The following PRKCA variants were observed in gnomAD, a reference collection of about 807,000 sequenced individuals.
PRKCA encodes the protein protein kinase C alpha type.
PRKCA carries 27 observed loss-of-function variants against 87.0 expected under a neutral mutation model. That is an observed-to-expected ratio of 0.31 (90% confidence interval 0.23 to 0.43). The LOEUF is 0.43. PRKCA is among the 20% of genes least tolerant of loss of function. PRKCA has a pLI of 1.00. For synonymous variants in PRKCA, 329 were observed against 311.1 expected (o/e 1.06, Z -0.61); for missense variants, 518 against 852.3 (o/e 0.61, Z 4.88).
chr17:66,491,441 G>A (rs1231122925), intron 2 of PRKCA, among the ~76,000 whole-genome samples: 5 of 152,336 alleles, frequency 3.3e-5, no homozygotes, highest in East Asian at 3.9e-4. Context: ...TCCATGACAC[G>A]TCTCCACTTC....
At chr17:66,772,462 A>T (rs556302311) in intron 13 of PRKCA, among the ~76,000 whole-genome samples, 15 of 152,098 alleles carry the variant, frequency 9.9e-5, no homozygotes, top group South Asian at 6.2e-4. Flanking sequence ...AGAAAGTTTT[A>T]TGTCCGAGGA....
intron 3 of PRKCA, among the ~76,000 whole-genome samples, chr17:66,595,203 T>C (rs976835190): frequency 6.6e-6 from 1 of 152,164 alleles, no homozygotes; most frequent in Non-Finnish European, 1.5e-5. Context: ...GATCTCACTC[T>C]GTTGCCCAGG....
At position 66,745,691 on chromosome 17, in the gene PRKCA, A is replaced by G. The variant is rs764741183; in HGVS notation, c.1524+2931A>G. On this transcript the variant is annotated intron_variant, in intron 13 of 16. Coordinates refer to ENST00000413366, the MANE Select transcript of PRKCA (RefSeq NM_002737.3). ...GTGAGACACCGTCTCAAAAATAAAT[A>G]AATAAATAAATACAATAAACCTTCT... Among the ~76,000 whole-genome samples, 28 of 152,280 alleles carry G rather than the reference A, an allele frequency of 1.8e-4. No individual in the cohort carries two copies. In the South Asian group the frequency reaches 2.1e-3, roughly 11 times the overall value.
At chr17:66,526,408 C>G (rs1023396583) in intron 3 of PRKCA, among the ~76,000 whole-genome samples, 2 of 152,164 alleles carry the variant, frequency 1.3e-5, no homozygotes, top group African/African-American at 4.8e-5. Context: ...TGCATGTCAC[C>G]TGAGGGTTGG....
Position 66,669,574 on chromosome 17 carries a change from C to T in PRKCA, c.530-17537C>T, listed in dbSNP as rs960195801. Among the ~76,000 whole-genome samples, 5 of 152,204 alleles carry T rather than the reference C, an allele frequency of 3.3e-5. No homozygotes were observed. In the South Asian group the frequency reaches 1.0e-3, roughly 32 times the overall value. On this transcript the variant is annotated intron_variant, in intron 5 of 16. Transcript: ENST00000413366. ...CAAATGAAAAGGAATGCACTCTGTT[C>T]CTACAAAATTAACCAAAAGAAGTCT... is the stretch of plus-strand genomic sequence containing the variant.
At chr17:66,626,228 A>C in intron 3 of PRKCA, among the ~76,000 whole-genome samples, 1 of 145,884 alleles carries the variant, frequency 6.9e-6, no homozygotes, top group African/African-American at 2.6e-5. Flanking sequence ...ACAGAGTCTC[A>C]CTCTGTCATC....
intron 3 of PRKCA, among the ~76,000 whole-genome samples, chr17:66,506,594 G>A (rs1916991271): frequency 6.6e-6 from 1 of 152,154 alleles, no homozygotes; most frequent in Non-Finnish European, 1.5e-5. Context: ...ATTTACAGCT[G>A]TGCGTGAGAC....
intron 13 of PRKCA, among the ~76,000 whole-genome samples, chr17:66,748,876 G>A (rs767456004): frequency 4.6e-5 from 7 of 152,088 alleles, no homozygotes; most frequent in Non-Finnish European, 1.0e-4. Flanking sequence ...TGGGGCACCC[G>A]TGGTAAGGAT....
chr17:66,675,706 T>G (rs777643142), intron 5 of PRKCA, among the ~76,000 whole-genome samples: 6 of 152,122 alleles, frequency 3.9e-5, no homozygotes, highest in Non-Finnish European at 8.8e-5. Context: ...AAAATCTGTA[T>G]GCGTCAGGAG....
chr17:66,313,738 A>T (rs1436019125), intron 2 of PRKCA, among the ~76,000 whole-genome samples: 1 of 152,172 alleles, frequency 6.6e-6, no homozygotes, highest in Non-Finnish European at 1.5e-5. Flanking sequence ...TGTTATTTTT[A>T]AAATTTTTGT....
chr17:66,677,785 G>A (rs1972377297), intron 5 of PRKCA, among the ~76,000 whole-genome samples: 1 of 152,222 alleles, frequency 6.6e-6, no homozygotes, highest in African/African-American at 2.4e-5. Flanking sequence ...GTGAGTGGGT[G>A]TAGTAAAGCA....
intron 3 of PRKCA, among the ~76,000 whole-genome samples, chr17:66,609,531 CCA>C (rs940104866): frequency 6.6e-6 from 1 of 152,262 alleles, no homozygotes; most frequent in Non-Finnish European, 1.5e-5. Flanking sequence ...AAGCTCTTTA[CCA>C]CAGTGTATAG....
intron 3 of PRKCA, among the ~76,000 whole-genome samples, chr17:66,637,561 T>C (rs912185363): frequency 6.6e-6 from 1 of 152,134 alleles, no homozygotes; most frequent in Non-Finnish European, 1.5e-5. Context: ...AAATAACCTG[T>C]CAAGGAAGAT....
At chr17:66,774,719 G>A in intron 14 of PRKCA, 1 of 985,646 alleles carries the variant, frequency 1.0e-6, no homozygotes, top group Non-Finnish European at 1.2e-6. Context: ...AAGTTTGTCT[G>A]CAAAGATTGC....
chr17:66,481,657 G>A (rs1285457305), intron 2 of PRKCA, among the ~76,000 whole-genome samples: 5 of 152,068 alleles, frequency 3.3e-5, no homozygotes, highest in East Asian at 1.9e-4. Context: ...AATTGCATTC[G>A]AGGTCTCCAG....
chr17:66,754,723 C>T (rs1974510756), intron 13 of PRKCA, among the ~76,000 whole-genome samples: 1 of 151,770 alleles, frequency 6.6e-6, no homozygotes, highest in Non-Finnish European at 1.5e-5. Context: ...TCCGGTGGGC[C>T]AAGTCGATTA....
At chr17:66,395,750 C>G (rs1910628163) in intron 2 of PRKCA, among the ~76,000 whole-genome samples, 1 of 152,176 alleles carries the variant, frequency 6.6e-6, no homozygotes, top group African/African-American at 2.4e-5. Context: ...TGTGTGCACG[C>G]TGAATGGGAT....
At chr17:66,406,803 A>G (rs1352763298) in intron 2 of PRKCA, among the ~76,000 whole-genome samples, 1 of 151,994 alleles carries the variant, frequency 6.6e-6, no homozygotes. Context: ...CATGCCCTGC[A>G]CTGTCTGCCA....
At position 66,796,841 on chromosome 17, in the gene PRKCA, G is replaced by A. The variant is rs1017337994; in HGVS notation, c.1855-7032G>A. The A allele has an allele frequency of 4.1e-6, 4 of 985,282 alleles. No individual in the cohort carries two copies. In the African/African-American group the frequency reaches 7.0e-5, roughly 17 times the overall value. 61.0% of individuals were successfully genotyped at this position (985,282 alleles called of 1,614,324 possible). On this transcript the variant is annotated intron_variant, in intron 16 of 16. Transcript: ENST00000413366. Reference sequence around the variant, plus strand: ...CCCCAGCACTGGGACCTGAATACAAGTGAGGGTTCCCCTACGATGAAGTAC... The same window carrying A: ...CCCCAGCACTGGGACCTGAATACAAATGAGGGTTCCCCTACGATGAAGTAC...
Sources: allele counts gnomAD v4.1 joint callset (sites outside exome capture counted in the v4.1 genomes callset), GRCh38; gene constraint gnomAD v4.1.1; transcripts MANE v1.5; gene names NCBI Gene and HGNC (gene_info 2026-07-23, HGNC 2026-07-21).